Variants in RDX observed in about 807,000 individuals in gnomAD.
RDX encodes radixin, also known as deafness, autosomal recessive 24.
A neutral mutation model predicts 83.7 loss-of-function variants in RDX; 32 were observed. That is an observed-to-expected ratio of 0.38 (90% CI 0.29 to 0.51). The LOEUF is 0.51. Among genes scored for constraint, RDX ranks in the 20% least tolerant of loss-of-function variants. The pLI is 0.87. For synonymous variants in RDX, 229 were observed against 222.7 expected (o/e 1.03, Z -0.25); for missense variants, 600 against 689.9 (o/e 0.87, Z 1.46).
At chr11:110,199,692 C>A (rs1591505845) in intron 14 of RDX, 1 of 702,996 alleles carries the variant, frequency 1.4e-6, no homozygotes, top group East Asian at 2.7e-5. Context: ...TCAAAAGAGA[C>A]ATTAAGAGAT....
At chr11:110,193,446 T>A (rs1209263850) in intron 15 of RDX, among the ~76,000 whole-genome samples, 2 of 152,110 alleles carry the variant, frequency 1.3e-5, no homozygotes, top group Admixed American at 1.3e-4. Flanking sequence ...GACAGGATCA[T>A]TCATACCCCA....
chr11:110,240,611 A>T (rs1411967243), intron 10 of RDX, among the ~76,000 whole-genome samples: 11 of 151,004 alleles, frequency 7.3e-5, no homozygotes, highest in Admixed American at 7.2e-4. Flanking sequence ...CGGGCGTGGT[A>T]GCGGGCGCCT....
At chr11:110,289,259 A>C (rs889145992) in intron 1 of RDX, among the ~76,000 whole-genome samples, 1 of 151,564 alleles carries the variant, frequency 6.6e-6, no homozygotes, top group Non-Finnish European at 1.5e-5. Context: ...AAAAAAAAAA[A>C]AACTTTTTAC....
chr11:110,240,521 A>G (rs1357685913), intron 10 of RDX, among the ~76,000 whole-genome samples: 2 of 152,080 alleles, frequency 1.3e-5, no homozygotes, highest in East Asian at 3.9e-4. Context: ...AGGCGGGCGG[A>G]TCACGAGGTC....
intron 15 of RDX, among the ~76,000 whole-genome samples, chr11:110,176,746 G>A (rs1862781462): frequency 6.6e-6 from 1 of 152,182 alleles, no homozygotes; most frequent in Non-Finnish European, 1.5e-5. Flanking sequence ...TGGAGGCCTA[G>A]CAGGAAGTTA....
At chr11:110,257,959 C>G (rs755026696) in intron 6 of RDX, 46 bp from the exon 7 acceptor site, 1 of 1,585,522 alleles carries the variant, frequency 6.3e-7, no homozygotes, top group Non-Finnish European at 8.6e-7. Flanking sequence ...AGGAGCATAT[C>G]AAACTAAAGT....
chr11:110,233,542 G>A, intron 12 of RDX, 63 bp from the exon 13 acceptor site: 6 of 1,535,138 alleles, frequency 3.9e-6, no homozygotes, highest in Non-Finnish European at 5.4e-6. Context: ...AAACAATCAA[G>A]TTATACTCCC....
At chr11:110,202,735 T>A (rs542577146) in intron 14 of RDX, among the ~76,000 whole-genome samples, 2 of 152,062 alleles carry the variant, frequency 1.3e-5, no homozygotes, top group East Asian at 3.9e-4. Context: ...ACAGTTTTTT[T>A]TTTAAAAGTA....
chr11:110,288,266 C>T (rs1323014259), intron 1 of RDX: 1 of 152,166 alleles, frequency 6.6e-6, no homozygotes, highest in Admixed American at 6.5e-5. Context: ...CAAAGTTTTA[C>T]ACTGAGTTTA....
chr11:110,236,682 A>G, intron 11 of RDX: 1 of 161,688 alleles, frequency 6.2e-6, no homozygotes, highest in Non-Finnish European at 1.3e-5. Context: ...GCCCAGTGGC[A>G]CAATCTCAGC....
intron 2 of RDX, among the ~76,000 whole-genome samples, chr11:110,275,980 G>C (rs887888137): frequency 6.6e-6 from 1 of 151,618 alleles, no homozygotes; most frequent in African/African-American, 2.4e-5. Flanking sequence ...AAACGGGCCA[G>C]TATAAATGTT....
At chr11:110,267,826 A>G (rs995515548) in intron 3 of RDX, among the ~76,000 whole-genome samples, 5 of 151,540 alleles carry the variant, frequency 3.3e-5, no homozygotes, top group African/African-American at 1.2e-4. Flanking sequence ...TAGTCAAGCA[A>G]ATCTGTAGTT....
chr11:110,241,104 CTGTATTATA>C (rs918376695), intron 10 of RDX, among the ~76,000 whole-genome samples: 3 of 148,876 alleles, frequency 2.0e-5, no homozygotes, highest in African/African-American at 7.4e-5. Context: ...TGTGTACATT[CTGTATTATA>C]TGTGTATATT....
chr11:110,279,788 CTTT>C, intron 1 of RDX, 32 bp from the exon 2 acceptor site: 1 of 733,590 alleles, frequency 1.4e-6, no homozygotes, highest in Non-Finnish European at 2.3e-6. Context: ...AATCTATTAT[CTTT>C]TTATATAAGG....
At chr11:110,209,139 C>T (rs1048922368) in intron 14 of RDX, among the ~76,000 whole-genome samples, 3 of 152,134 alleles carry the variant, frequency 2.0e-5, no homozygotes, top group African/African-American at 7.2e-5. Flanking sequence ...GCGCACCGTG[C>T]GCGAGCTGAA....
chr11:110,259,503 C>T (rs1859712189), intron 5 of RDX, among the ~76,000 whole-genome samples: 1 of 152,234 alleles, frequency 6.6e-6, no homozygotes, highest in Admixed American at 6.5e-5. Context: ...AAATCTCCCC[C>T]TGGATAAGTT....
Position 110,230,579 on chromosome 11 carries a change from T to TACAC in RDX, c.*1286_*1289dup, listed in dbSNP as rs61030269. The TACAC allele has an allele frequency of 0.033, 4,903 of 147,098 alleles. 220 individuals carry two copies. The highest frequency in any genetic ancestry group is 0.1 in the African/African-American group (4,123 of 39,832). 9.1% of individuals were successfully genotyped at this position (147,098 alleles called of 1,614,324 possible). A position where few individuals can be genotyped will look rare whatever the true frequency, so the allele number is the denominator to read the frequency against. On this transcript the variant is annotated 3_prime_UTR_variant, in exon 14 of 14. Transcript: ENST00000645495. ...TTCTCTCTCTCATACACACACAGAG[T>TACAC]ACACACACACACACACACACACACA... is the stretch of plus-strand genomic sequence containing the variant.
chr11:110,252,473 GATGAGT>G (rs1859375839), intron 9 of RDX, among the ~76,000 whole-genome samples: 2 of 152,274 alleles, frequency 1.3e-5, no homozygotes, highest in East Asian at 3.9e-4. Context: ...ACTATAGAGT[GATGAGT>G]ATGAGATACA....
At chr11:110,293,621 G>T (rs1365533212) in intron 1 of RDX, among the ~76,000 whole-genome samples, 1 of 152,006 alleles carries the variant, frequency 6.6e-6, no homozygotes, top group Non-Finnish European at 1.5e-5. Flanking sequence ...ATCTTTTAAG[G>T]GTAGAGTCCA....
Sources: gnomAD v4.1 joint callset for allele counts (sites outside exome capture counted in the v4.1 genomes callset) on GRCh38, gnomAD v4.1.1 for gene constraint, MANE v1.5 for transcripts, NCBI Gene and HGNC (gene_info 2026-07-23, HGNC 2026-07-21) for gene names.